NOL4: variants seen among roughly 807,000 people sequenced by gnomAD.
The protein encoded by NOL4 is cancer/testis antigen 125.
NOL4 carries 17 observed loss-of-function variants against 75.9 expected under a neutral mutation model. That is an observed-to-expected ratio of 0.22 (90% CI 0.15 to 0.34). The LOEUF is 0.34. Ranked by LOEUF, NOL4 falls within the 10% of genes least tolerant of loss-of-function variation. The pLI is 1.00. For synonymous variants in NOL4, 292 were observed against 289.9 expected, an observed-to-expected ratio of 1.01 and a Z score of -0.07; for missense variants, 614 against 793.5, an observed-to-expected ratio of 0.77 and a Z score of 2.72.
intron 10 of NOL4, among the ~76,000 whole-genome samples, chr18:33,878,624 C>T (rs1372550062): frequency 2.0e-5 from 3 of 152,000 alleles, no homozygotes; most frequent in Non-Finnish European, 4.4e-5. Context: ...AGAGTATAAA[C>T]TCAGACTAAT....
chr18:33,963,895 A>G (rs978534704), intron 6 of NOL4, among the ~76,000 whole-genome samples: 5 of 152,158 alleles, frequency 3.3e-5, no homozygotes, highest in African/African-American at 1.2e-4. Context: ...GCAACACCAC[A>G]GTGCTTGGTG....
At chr18:34,072,778 G>T (rs1360794297) in intron 5 of NOL4, among the ~76,000 whole-genome samples, 3 of 151,922 alleles carry the variant, frequency 2.0e-5, no homozygotes, top group African/African-American at 7.3e-5. Flanking sequence ...TTTATATATA[G>T]AAGACAATAT....
intron 5 of NOL4, among the ~76,000 whole-genome samples, chr18:34,057,942 T>G (rs912630642): frequency 1.3e-5 from 2 of 152,190 alleles, no homozygotes; most frequent in African/African-American, 4.8e-5. Context: ...TGTAAATGAC[T>G]TTTTTGCTTA....
intron 1 of NOL4, among the ~76,000 whole-genome samples, chr18:34,166,040 T>A (rs574690229): frequency 1.8e-4 from 27 of 152,228 alleles, no homozygotes; most frequent in African/African-American, 5.0e-4. Context: ...TTTTCACCGA[T>A]TCTTAAAAAC....
intron 9 of NOL4, among the ~76,000 whole-genome samples, chr18:33,900,638 T>TA (rs2065691621): frequency 1.3e-5 from 2 of 152,172 alleles, no homozygotes; most frequent in Non-Finnish European, 2.9e-5. Flanking sequence ...AACAGGTTTT[T>TA]AAAAAAATTA....
At chr18:34,213,972 T>G (rs1354505830) in intron 1 of NOL4, among the ~76,000 whole-genome samples, 1 of 152,218 alleles carries the variant, frequency 6.6e-6, no homozygotes, top group Admixed American at 6.5e-5. Context: ...TATAGAATTC[T>G]CCACTTGAGT....
At chr18:34,053,532 G>C (rs2076711193) in intron 5 of NOL4, among the ~76,000 whole-genome samples, 1 of 151,938 alleles carries the variant, frequency 6.6e-6, no homozygotes, top group Non-Finnish European at 1.5e-5. Context: ...CAAATGATCT[G>C]TGCCCCCTTA....
intron 5 of NOL4, among the ~76,000 whole-genome samples, chr18:34,047,229 C>G (rs2076420267): frequency 6.6e-6 from 1 of 152,082 alleles, no homozygotes; most frequent in Non-Finnish European, 1.5e-5. Context: ...CCAAGTCTGT[C>G]TATTCTGAGA....
intron 2 of NOL4, among the ~76,000 whole-genome samples, chr18:34,125,603 G>T (rs936427410): frequency 6.6e-5 from 10 of 151,964 alleles, no homozygotes; most frequent in Non-Finnish European, 8.8e-5. Context: ...GCTAACTAGG[G>T]TTTTAAGGTT....
At chr18:33,982,182 C>T (rs1342918457) in intron 6 of NOL4, among the ~76,000 whole-genome samples, 2 of 151,918 alleles carry the variant, frequency 1.3e-5, no homozygotes, top group Non-Finnish European at 2.9e-5. Context: ...AAAACAGTAA[C>T]AAACATAGTA....
intron 9 of NOL4, among the ~76,000 whole-genome samples, chr18:33,931,026 T>C (rs958381840): frequency 3.9e-5 from 6 of 152,112 alleles, no homozygotes; most frequent in African/African-American, 9.7e-5. Flanking sequence ...TGCCACATCA[T>C]TGTTACTTCT....
At position 34,223,640 on chromosome 18, in the gene NOL4, T is replaced by G. The variant is rs2146663392; in HGVS notation, c.-387A>C. 5.5e-6 allele frequency: 1 copy of G among 180,348 alleles called. No homozygotes were observed. The highest frequency in any genetic ancestry group is 2.4e-5 in the African/African-American group (1 of 42,206). The allele number at this position is 180,348 out of a possible 1,614,324, so 11.2% of individuals were successfully genotyped here. ...TAAAAATCCCAATATTGAATTGGGG[T>G]GGTCCCTAGACGCCTCGCCCCCGGG... On this transcript the variant is annotated 5_prime_UTR_variant, in exon 1 of 11. Transcript: ENST00000261592.
intron 1 of NOL4, among the ~76,000 whole-genome samples, chr18:34,212,974 A>C: frequency 6.6e-6 from 1 of 152,286 alleles, no homozygotes; most frequent in East Asian, 1.9e-4. Flanking sequence ...TCTTAAAGTC[A>C]GCCTTACCAT....
chr18:33,917,395 T>C (rs2066786221), intron 9 of NOL4, among the ~76,000 whole-genome samples: 2 of 152,156 alleles, frequency 1.3e-5, no homozygotes, highest in African/African-American at 4.8e-5. Flanking sequence ...GTAATATTAA[T>C]TTCTATAAAG....
chr18:34,100,616 G>A (rs971024826), intron 4 of NOL4, among the ~76,000 whole-genome samples: 1 of 151,946 alleles, frequency 6.6e-6, no homozygotes, highest in Non-Finnish European at 1.5e-5. Flanking sequence ...TAATACCCTG[G>A]GTGCTCTTTC....
At chr18:34,176,671 G>A (rs9947225) in intron 1 of NOL4, among the ~76,000 whole-genome samples, 58 of 151,838 alleles carry the variant, frequency 3.8e-4, no homozygotes, top group African/African-American at 1.4e-3. Context: ...GAGCATGAGC[G>A]CTCTCTCTCT....
intron 6 of NOL4, among the ~76,000 whole-genome samples, chr18:33,988,245 C>T (rs1289255321): frequency 6.6e-6 from 1 of 152,052 alleles, no homozygotes; most frequent in Admixed American, 6.6e-5. Flanking sequence ...AAAATGCCTA[C>T]TGTCAATATT....
At chr18:34,111,107 G>A (rs2079565944) in intron 2 of NOL4, among the ~76,000 whole-genome samples, 2 of 152,058 alleles carry the variant, frequency 1.3e-5, no homozygotes, top group African/African-American at 4.8e-5. Flanking sequence ...AAATGTGGAA[G>A]AAATAAATTG....
intron 2 of NOL4, among the ~76,000 whole-genome samples, chr18:34,106,756 A>G (rs944557201): frequency 6.6e-6 from 1 of 151,876 alleles, no homozygotes; most frequent in Non-Finnish European, 1.5e-5. Flanking sequence ...TTCTGTTTTT[A>G]CAGAGGGAAT....
Sources: gnomAD v4.1 joint callset for allele counts (sites outside exome capture counted in the v4.1 genomes callset) on GRCh38, gnomAD v4.1.1 for gene constraint, MANE v1.5 for transcripts, NCBI Gene and HGNC (gene_info 2026-07-23, HGNC 2026-07-21) for gene names.